Variants in ERBB4 observed in about 807,000 individuals in gnomAD.
ERBB4 encodes receptor tyrosine-protein kinase erbB-4.
ERBB4 carries 42 observed loss-of-function variants against 158.0 expected under a neutral mutation model. The ratio of observed to expected loss-of-function variants is 0.27; its 90% CI spans 0.21 to 0.34. The LOEUF (loss-of-function observed/expected upper bound fraction) is 0.34. Among genes scored for constraint, ERBB4 ranks in the 10% least tolerant of loss-of-function variants. The pLI, the probability that ERBB4 is intolerant of heterozygous loss-of-function variation, is 1.00. For missense variants in ERBB4, 1,333 were observed against 1,624.1 expected (o/e 0.82, Z 3.08); for synonymous variants, 583 against 558.7 (o/e 1.04, Z -0.61).
chr2:212,220,421 G>A (rs2083256733), intron 1 of ERBB4, among the ~76,000 whole-genome samples: 1 of 151,376 alleles, frequency 6.6e-6, no homozygotes, highest in Non-Finnish European at 1.5e-5. Context: ...GCCCAGCATT[G>A]CTTTGACCTA....
At chr2:212,505,640 A>G (rs1691153682) in intron 1 of ERBB4, among the ~76,000 whole-genome samples, 1 of 149,042 alleles carries the variant, frequency 6.7e-6, no homozygotes, top group South Asian at 2.1e-4. Flanking sequence ...GACGGATGAT[A>G]TAATGTCTCC....
At chr2:212,337,741 T>A (rs1287697107) in intron 1 of ERBB4, among the ~76,000 whole-genome samples, 1 of 152,114 alleles carries the variant, frequency 6.6e-6, no homozygotes, top group African/African-American at 2.4e-5. Context: ...TCAACATCAA[T>A]CCACTCTTGC....
At chr2:211,651,673 T>C (rs2070989946) in intron 16 of ERBB4, among the ~76,000 whole-genome samples, 2 of 151,368 alleles carry the variant, frequency 1.3e-5, no homozygotes, top group African/African-American at 4.9e-5. Flanking sequence ...TGAAACACTG[T>C]TGCTGGGTTT....
chr2:212,363,257 C>G (rs1034715018), intron 1 of ERBB4, among the ~76,000 whole-genome samples: 1 of 151,252 alleles, frequency 6.6e-6, no homozygotes, highest in African/African-American at 2.4e-5. Context: ...AAATCAATTT[C>G]TTTTCATCAT....
At chr2:211,499,016 T>C (rs1396122422) in intron 20 of ERBB4, among the ~76,000 whole-genome samples, 1 of 152,108 alleles carries the variant, frequency 6.6e-6, no homozygotes, top group African/African-American at 2.4e-5. Flanking sequence ...ACCTGTTACA[T>C]TCTCCTGTGT....
chr2:211,731,896 T>C (rs141928431), intron 5 of ERBB4, among the ~76,000 whole-genome samples: 1 of 152,308 alleles, frequency 6.6e-6, no homozygotes, highest in Non-Finnish European at 1.5e-5. Flanking sequence ...AACACATTTG[T>C]GTGTCCAGGG....
intron 12 of ERBB4, among the ~76,000 whole-genome samples, chr2:211,696,341 C>T (rs568594442): frequency 1.3e-5 from 2 of 152,238 alleles, no homozygotes; most frequent in African/African-American, 4.8e-5. Flanking sequence ...GAACTCCTGA[C>T]TGCAGGTGAT....
intron 1 of ERBB4, among the ~76,000 whole-genome samples, chr2:212,209,965 C>CA (rs1250610024): frequency 1.3e-5 from 2 of 151,904 alleles, no homozygotes; most frequent in Non-Finnish European, 2.9e-5. Flanking sequence ...TCAGCTGAAT[C>CA]AGATTGTGGA....
intron 2 of ERBB4, among the ~76,000 whole-genome samples, chr2:212,116,852 T>C (rs1014504665): frequency 2.6e-5 from 4 of 152,198 alleles, no homozygotes; most frequent in Non-Finnish European, 4.4e-5. Context: ...TGATTTATCT[T>C]GTGGAATTTC....
intron 1 of ERBB4, among the ~76,000 whole-genome samples, chr2:212,385,316 G>A (rs928396223): frequency 6.6e-6 from 1 of 151,740 alleles, no homozygotes; most frequent in African/African-American, 2.4e-5. Flanking sequence ...CAAATATATG[G>A]AATATAGTGC....
At chr2:211,693,080 A>G (rs770641774) in intron 12 of ERBB4, among the ~76,000 whole-genome samples, 1 of 152,176 alleles carries the variant, frequency 6.6e-6, no homozygotes, top group East Asian at 1.9e-4. Flanking sequence ...TAGTTACTCT[A>G]TATCTCTGAT....
chr2:211,416,671 T>C (rs897297560), intron 25 of ERBB4, among the ~76,000 whole-genome samples: 8 of 152,206 alleles, frequency 5.3e-5, no homozygotes, highest in Non-Finnish European at 8.8e-5. Context: ...AACTGGCAGC[T>C]TTCCTAATTT....
At chr2:212,142,729 A>G (rs2080526373) in intron 1 of ERBB4, among the ~76,000 whole-genome samples, 1 of 151,618 alleles carries the variant, frequency 6.6e-6, no homozygotes, top group South Asian at 2.1e-4. Context: ...GAGACTCTTC[A>G]TTTAGGCTAT....
chr2:211,691,694 G>C (rs2072827541), intron 12 of ERBB4, among the ~76,000 whole-genome samples: 1 of 151,490 alleles, frequency 6.6e-6, no homozygotes, highest in South Asian at 2.1e-4. Context: ...ACAGAAGAAG[G>C]GACATTAAAG....
At chr2:212,309,191 C>T (rs1266782981) in intron 1 of ERBB4, among the ~76,000 whole-genome samples, 1 of 150,812 alleles carries the variant, frequency 6.6e-6, no homozygotes, top group Admixed American at 6.6e-5. Context: ...TAAGTTAACA[C>T]CCTCTGATTT....
intron 5 of ERBB4, among the ~76,000 whole-genome samples, chr2:211,732,762 G>C (rs12619698): frequency 1.3e-5 from 2 of 151,920 alleles, no homozygotes; most frequent in African/African-American, 4.8e-5. Flanking sequence ...TGACCAGCCT[G>C]ACCAACATGC....
At chr2:212,260,893 G>A (rs933824330) in intron 1 of ERBB4, among the ~76,000 whole-genome samples, 1 of 152,076 alleles carries the variant, frequency 6.6e-6, no homozygotes, top group Non-Finnish European at 1.5e-5. Flanking sequence ...AGGGTGACAG[G>A]AAAATGGGAA....
intron 20 of ERBB4, among the ~76,000 whole-genome samples, chr2:211,455,984 T>C (rs1246501113): frequency 6.6e-6 from 1 of 152,200 alleles, no homozygotes; most frequent in Admixed American, 6.5e-5. Context: ...ATTAAGTATG[T>C]GATAATTTGG....
At position 211,644,361 on chromosome 2, in the gene ERBB4, G is replaced by A. The variant is rs1255902726; in HGVS notation, c.1946+13393C>T. On this transcript the variant is annotated intron_variant, in intron 16 of 27. Coordinates refer to ENST00000342788, the MANE Select transcript of ERBB4 (RefSeq NM_005235.3). ...ATTAGAACACATTTCTAATTATGGG[G>A]AAACCCATTTTTTTCAAAAGCTATT... 5.3e-5 allele frequency among the ~76,000 whole-genome samples: 8 copies of A among 151,856 alleles called. No individual in the cohort carries two copies. The East Asian group carries it at 1.5e-3, about 29-fold the overall frequency.
Sources: allele counts gnomAD v4.1 joint callset (sites outside exome capture counted in the v4.1 genomes callset), GRCh38; gene constraint gnomAD v4.1.1; transcripts MANE v1.5; gene names NCBI Gene and HGNC (gene_info 2026-07-23, HGNC 2026-07-21).